The following DEFB127 variants were observed in gnomAD, a reference collection of about 807,000 sequenced individuals.
DEFB127 encodes beta-defensin 127.
DEFB127 carries 2 observed loss-of-function variants against 2.4 expected under a neutral mutation model. That is an observed-to-expected ratio of 0.82 (90% confidence interval 0.34 to 2.58). The LOEUF is 2.58. DEFB127 is among the 30% of genes most tolerant of loss of function. DEFB127 has a pLI of 0.11. For missense variants in DEFB127, 110 were observed against 113.2 expected, an observed-to-expected ratio of 0.97 and a Z score of 0.13; for synonymous variants, 37 against 39.8, an observed-to-expected ratio of 0.93 and a Z score of 0.26.
At chr20:158,611 C>A (rs1332183877) in intron 1 of DEFB127, among the ~76,000 whole-genome samples, 163 bp from the exon 2 acceptor site, 1 of 152,154 alleles carries the variant, frequency 6.6e-6, no homozygotes, top group Non-Finnish European at 1.5e-5. Flanking sequence ...AATACAAACA[C>A]TGAGGTTGAC....
rs1381501968 is a variant in DEFB127, at chr20:158,773, G to A, written c.50-1G>A. The A allele has an allele frequency of 1.2e-6, 2 of 1,609,084 alleles. No homozygotes were observed. The highest frequency in any genetic ancestry group is 1.3e-5 in the African/African-American group (1 of 74,614). ...GTTCTATTGCTCCTTTCTGTGTATA[G>A]TAACCGAACAACTTAAGAAGTGCTG... On this transcript the variant is annotated splice_acceptor_variant, in intron 1 of 1. Coordinates refer to ENST00000382388, the MANE Select transcript of DEFB127 (RefSeq NM_139074.4). LOFTEE classifies it high-confidence loss of function.
chr20:158,924 C>T lies in DEFB127; in HGVS notation c.200C>T (p.Thr67Ile). ...IKELEACKKI[T>I]KPPRPKPATL... ...GAACTGGAAGCATGTAAAAAAATTACAAAGCCACCTCGTCCAAAGCCAGCA... is the reference window on the plus strand; with the variant it reads ...GAACTGGAAGCATGTAAAAAAATTATAAAGCCACCTCGTCCAAAGCCAGCA... The change falls in exon 2 of 2, where the codon ACA becomes ATA. Residue 67 changes from threonine to isoleucine, a missense_variant. Coordinates refer to ENST00000382388, the MANE Select transcript of DEFB127 (RefSeq NM_139074.4). The T allele has an allele frequency of 1.2e-6, 2 of 1,613,764 alleles. No homozygotes were observed. Among genetic ancestry groups the T allele is most frequent in the Non-Finnish European group, 1.7e-6 (2 of 1,179,786 alleles).
chr20:158,724 C>T, intron 1 of DEFB127, 50 bp from the exon 2 acceptor site: 1 of 1,553,830 alleles, frequency 6.4e-7, no homozygotes, highest in East Asian at 2.3e-5. Flanking sequence ...AACCAACGTG[C>T]CTTCAGTCTC....
intron 1 of DEFB127, 96 bp downstream of exon 1, chr20:157,689 G>A: frequency 7.2e-7 from 1 of 1,393,682 alleles, no homozygotes; most frequent in Non-Finnish European, 1.0e-6. Context: ...GGGAAATAGA[G>A]CCCCCAAAGA....
Position 157,518 on chromosome 20 carries a change from G to T in DEFB127, c.-27G>T. The stretch of plus-strand genomic sequence containing the variant: ...GCAGTTCACTGGACCAAAAGCTTTG[G>T]CTGCACCTCTTCTGGAAAGCCTGGC... On this transcript the variant is annotated 5_prime_UTR_variant, in exon 1 of 2. Transcript: ENST00000382388. The T allele has an allele frequency of 6.2e-7, 1 of 1,600,946 alleles. No homozygotes were observed. Among genetic ancestry groups the T allele is most frequent in the Non-Finnish European group, 8.5e-7 (1 of 1,173,672 alleles).
chr20:158,418 T>TGGG (rs1278673530), intron 1 of DEFB127, among the ~76,000 whole-genome samples: 1 of 152,198 alleles, frequency 6.6e-6, no homozygotes, highest in Non-Finnish European at 1.5e-5. Flanking sequence ...GGTAGTGCTC[T>TGGG]GGGAGCATTC....
At chr20:157,654 AG>A in intron 1 of DEFB127, 61 bp downstream of exon 1, 1 of 1,582,960 alleles carries the variant, frequency 6.3e-7, no homozygotes, top group Non-Finnish European at 8.7e-7. Flanking sequence ...CAGGAGCCAA[AG>A]GGAACTTCAT....
intron 1 of DEFB127, 130 bp downstream of exon 1, chr20:157,723 T>C: frequency 1.0e-6 from 1 of 965,274 alleles, no homozygotes; most frequent in South Asian, 1.5e-5. Flanking sequence ...TCCAACATCA[T>C]CAGAAATTTC....
At chr20:158,062 C>T (rs576263231) in intron 1 of DEFB127, among the ~76,000 whole-genome samples, 2 of 151,916 alleles carry the variant, frequency 1.3e-5, no homozygotes, top group Non-Finnish European at 1.5e-5. Flanking sequence ...ACTCTAGGAG[C>T]CTCAGTTTCC....
chr20:158,004 G>A (rs2054710049), intron 1 of DEFB127, among the ~76,000 whole-genome samples: 1 of 151,864 alleles, frequency 6.6e-6, no homozygotes, highest in African/African-American at 2.4e-5. Flanking sequence ...TTAGGTTTAA[G>A]AAACATGCCT....
intron 1 of DEFB127, among the ~76,000 whole-genome samples, 189 bp from the exon 2 acceptor site, chr20:158,585 A>G (rs1158258351): frequency 6.6e-6 from 1 of 152,132 alleles, no homozygotes; most frequent in Non-Finnish European, 1.5e-5. Context: ...GGACCTAAAT[A>G]TAAGTGATCC....
At position 159,135 on chromosome 20, in the gene DEFB127, G is replaced by T; in HGVS notation, c.*111G>T. On this transcript the variant is annotated 3_prime_UTR_variant, in exon 2 of 2. Transcript: ENST00000382388. ...TCTTGATCCTTAAAATGACCTTCGA[G>T]CATATTCTAATAAAGTGCATTGCCA... The T allele has an allele frequency of 7.9e-7, 1 of 1,267,400 alleles. No homozygotes were observed. Among genetic ancestry groups the T allele is most frequent in the Middle Eastern group, 2.3e-4 (1 of 4,276 alleles). 78.5% of individuals were successfully genotyped at this position (1,267,400 alleles called of 1,614,324 possible). A position where few individuals can be genotyped will look rare whatever the true frequency, so the allele number is the denominator to read the frequency against.
At chr20:158,086 T>C (rs2054710383) in intron 1 of DEFB127, among the ~76,000 whole-genome samples, 1 of 152,132 alleles carries the variant, frequency 6.6e-6, no homozygotes. Context: ...TCTATGGAGA[T>C]AATGACACCT....
chr20:157,591 C>T lies in DEFB127; in HGVS notation c.47C>T (p.Thr16Ile), dbSNP rs772311987. Residue 16 changes from threonine (T) to isoleucine (I), a missense_variant and splice_region_variant, in exon 1 of 2, where the codon ACA becomes ATA. By Grantham distance (89) the Thr-to-Ile change is moderately conservative (BLOSUM62 -1). Transcript: ENST00000382388. ...GCAATTCTGCTGTTCCAGAAACCCA[C>T]AGGTAAACCAAACCAGAAGCTCACT... ...IIAILLFQKP[T>I]VTEQLKKCWN... 1.9e-6 allele frequency: 3 copies of T among 1,613,900 alleles called. No homozygotes were observed. Among genetic ancestry groups the T allele is most frequent in the East Asian group, 2.2e-5 (1 of 44,884 alleles).
intron 1 of DEFB127, among the ~76,000 whole-genome samples, chr20:158,228 A>G (rs951685877): frequency 6.6e-6 from 1 of 152,140 alleles, no homozygotes; most frequent in Non-Finnish European, 1.5e-5. Context: ...TAAGAATAGT[A>G]ATGGCCTATT....
Position 158,986 on chromosome 20 carries a change from A to G in DEFB127, c.262A>G (p.Ile88Val). 6.2e-7 allele frequency: 1 copy of G among 1,611,172 alleles called. No individual in the cohort carries two copies. Among genetic ancestry groups the G allele is most frequent in the Non-Finnish European group, 8.5e-7 (1 of 1,179,082 alleles). ...GACTCTTCAAGACTATGTTACAATA[A>G]TAGAAAATTTCCCAAGCCTGAAGAC... ...ALTLQDYVTI[I>V]ENFPSLKTQS... is the part of the protein sequence containing the mutation. The change falls in exon 2 of 2, where the codon ATA becomes GTA. Residue 88 changes from isoleucine (I) to valine (V), a missense_variant. Physicochemically the swap from Ile to Val is conservative, Grantham distance 29. Coordinates refer to ENST00000382388, the MANE Select transcript of DEFB127 (RefSeq NM_139074.4).
chr20:158,933 C>A lies in DEFB127; in HGVS notation c.209C>A (p.Pro70His). The A allele has an allele frequency of 6.2e-7, 1 of 1,613,734 alleles. No individual in the cohort carries two copies. The highest frequency in any genetic ancestry group is 8.5e-7 in the Non-Finnish European group (1 of 1,179,792). Residue 70 changes from proline (P) to histidine (H), a missense_variant, in exon 2 of 2, where the codon CCT (proline) becomes CAT (histidine). Coordinates refer to ENST00000382388, the MANE Select transcript of DEFB127 (RefSeq NM_139074.4). ...LEACKKITKP[P>H]RPKPATLALT... is the part of the protein sequence containing the mutation. ...GCATGTAAAAAAATTACAAAGCCAC[C>A]TCGTCCAAAGCCAGCAACACTTGCA...
In DEFB127 at chr20:158,939, C is replaced by T; in HGVS notation, c.215C>T (p.Pro72Leu). The change falls in exon 2 of 2, where the codon CCA becomes CTA. Residue 72 changes from proline to leucine, a missense_variant. Pro to Leu is a moderately conservative substitution (Grantham distance 98). Coordinates refer to ENST00000382388, the MANE Select transcript of DEFB127 (RefSeq NM_139074.4). ...ACKKITKPPRPKPATLALTLQ... is the reference protein window; with the variant it reads ...ACKKITKPPRLKPATLALTLQ... ...AAAAAAATTACAAAGCCACCTCGTC[C>T]AAAGCCAGCAACACTTGCACTGACT... 1 of 1,613,672 alleles carries T rather than the reference C, an allele frequency of 6.2e-7. No individual in the cohort carries two copies. The highest frequency in any genetic ancestry group is 8.5e-7 in the Non-Finnish European group (1 of 1,179,758).
At chr20:157,687 G>C (rs1462430119) in intron 1 of DEFB127, 94 bp downstream of exon 1, 1 of 1,415,332 alleles carries the variant, frequency 7.1e-7, no homozygotes, top group African/African-American at 1.4e-5. Context: ...AAGGGAAATA[G>C]AGCCCCCAAA....
Sources: allele counts gnomAD v4.1 joint callset (sites outside exome capture counted in the v4.1 genomes callset), GRCh38; gene constraint gnomAD v4.1.1; transcripts MANE v1.5; gene names NCBI Gene and HGNC (gene_info 2026-07-23, HGNC 2026-07-21).